The following APBB2 variants were observed in gnomAD, a reference collection of about 807,000 sequenced individuals.
APBB2 encodes Fe65-like 1.
In APBB2, 38 loss-of-function variants were observed where a neutral mutation model predicts 82.5. That is an observed-to-expected ratio of 0.46 (90% CI 0.36 to 0.60). The LOEUF (loss-of-function observed/expected upper bound fraction) is 0.60. Ranked by LOEUF, APBB2 falls within the 20% of genes least tolerant of loss-of-function variation. APBB2 has a pLI of 0.00. For missense variants in APBB2, 772 were observed against 972.3 expected, an observed-to-expected ratio of 0.79 and a Z score of 2.74; for synonymous variants, 341 against 368.2, an observed-to-expected ratio of 0.93 and a Z score of 0.85.
At chr4:41,034,556 C>G (rs187291151) in intron 4 of APBB2, among the ~76,000 whole-genome samples, 24 of 152,306 alleles carry the variant, frequency 1.6e-4, no homozygotes, top group Admixed American at 8.5e-4. Context: ...AACTCCTGAC[C>G]TCAAGTGATC....
chr4:41,192,812 A>T (rs1321440560), intron 1 of APBB2, among the ~76,000 whole-genome samples: 1 of 152,204 alleles, frequency 6.6e-6, no homozygotes, highest in African/African-American at 2.4e-5. Flanking sequence ...GAGATGATGG[A>T]TATGTTAATT....
At chr4:40,823,828 C>A in intron 15 of APBB2, 69 bp from the exon 16 acceptor site, 1 of 934,386 alleles carries the variant, frequency 1.1e-6, no homozygotes, top group South Asian at 1.3e-5. Context: ...GGGCCCAAAT[C>A]ACCAATAACA....
chr4:40,821,337 TCAC>T (rs1177503728), intron 17 of APBB2, among the ~76,000 whole-genome samples: 1 of 152,226 alleles, frequency 6.6e-6, no homozygotes. Flanking sequence ...CTCGGCTCTG[TCAC>T]TTACCGACAA....
intron 5 of APBB2, among the ~76,000 whole-genome samples, chr4:41,028,234 A>G (rs545123893): frequency 3.3e-5 from 5 of 152,358 alleles, no homozygotes; most frequent in Non-Finnish European, 7.3e-5. Context: ...AAAGATACCT[A>G]TGGAGCGCAG....
chr4:41,134,438 G>A (rs1178908064), intron 2 of APBB2, among the ~76,000 whole-genome samples: 2 of 152,236 alleles, frequency 1.3e-5, no homozygotes, highest in East Asian at 3.9e-4. Context: ...AAAACAATTA[G>A]CCAGGCATGG....
At chr4:40,892,435 A>G (rs532463687) in intron 11 of APBB2, 3 of 152,360 alleles carry the variant, frequency 2.0e-5, no homozygotes, top group East Asian at 3.9e-4. Context: ...AAACTCCACC[A>G]TGGAAAGGCT....
chr4:41,154,937 G>A (rs1157247172), intron 1 of APBB2, among the ~76,000 whole-genome samples: 1 of 152,122 alleles, frequency 6.6e-6, no homozygotes, highest in African/African-American at 2.4e-5. Context: ...GACAGACGGG[G>A]CACCCTAGGG....
chr4:41,011,060 T>C (rs1270137783), intron 6 of APBB2, among the ~76,000 whole-genome samples: 1 of 152,086 alleles, frequency 6.6e-6, no homozygotes, highest in Admixed American at 6.5e-5. Flanking sequence ...CATAGATTAG[T>C]ATTTTATATT....
At chr4:41,086,557 G>GA (rs907334563) in intron 3 of APBB2, among the ~76,000 whole-genome samples, 6 of 151,848 alleles carry the variant, frequency 4.0e-5, no homozygotes, top group Admixed American at 2.0e-4. Context: ...GAACAAAGAG[G>GA]AAAAAACACA....
intron 7 of APBB2, among the ~76,000 whole-genome samples, chr4:40,940,076 G>A (rs1209927211): frequency 6.6e-6 from 1 of 152,066 alleles, no homozygotes; most frequent in South Asian, 2.1e-4. Flanking sequence ...ATGTCGTCAT[G>A]TACTGGGCCC....
chr4:40,931,456 C>A (rs1427030283), intron 10 of APBB2, among the ~76,000 whole-genome samples: 1 of 152,018 alleles, frequency 6.6e-6, no homozygotes, highest in Non-Finnish European at 1.5e-5. Flanking sequence ...TTTTTTGTAG[C>A]GACAAGGTCT....
chr4:40,881,535 T>TTC (rs1553952994), intron 12 of APBB2: 1 of 133,022 alleles, frequency 7.5e-6, no homozygotes, highest in Non-Finnish European at 1.3e-5. Flanking sequence ...TTTCTTTTTC[T>TTC]TTTTTTTTTT....
At chr4:40,851,504 A>G (rs1380251976) in intron 12 of APBB2, among the ~76,000 whole-genome samples, 1 of 152,158 alleles carries the variant, frequency 6.6e-6, no homozygotes, top group Non-Finnish European at 1.5e-5. Flanking sequence ...ATGCTCTGAT[A>G]CGACAGAATC....
intron 12 of APBB2, among the ~76,000 whole-genome samples, chr4:40,863,749 C>T (rs1157583264): frequency 4.0e-5 from 6 of 151,740 alleles, no homozygotes; most frequent in African/African-American, 9.7e-5. Flanking sequence ...AAAAATTAGC[C>T]GGTTGTGATG....
intron 1 of APBB2, among the ~76,000 whole-genome samples, chr4:41,197,157 G>A: frequency 1.3e-5 from 2 of 152,064 alleles, no homozygotes; most frequent in African/African-American, 4.8e-5. Context: ...ACACAACTTT[G>A]TGCCAATGTC....
intron 17 of APBB2, among the ~76,000 whole-genome samples, chr4:40,819,342 C>G (rs1199530426): frequency 6.6e-6 from 1 of 151,882 alleles, no homozygotes; most frequent in Admixed American, 6.6e-5. Context: ...CATGCCACCA[C>G]GCTCGGCTAA....
At chr4:40,827,709 C>A (rs1023490774) in intron 13 of APBB2, among the ~76,000 whole-genome samples, 2 of 152,182 alleles carry the variant, frequency 1.3e-5, no homozygotes, top group African/African-American at 4.8e-5. Context: ...CCACTGCACA[C>A]GGAGGTGGTT....
At chr4:40,898,645 A>G (rs1578272431) in intron 10 of APBB2, among the ~76,000 whole-genome samples, 1 of 116,684 alleles carries the variant, frequency 8.6e-6, no homozygotes, top group African/African-American at 2.7e-5. Context: ...GATTTCAGCC[A>G]AAGCCAGCAC....
At chr4:40,919,682 G>T (rs1371300417) in intron 10 of APBB2, among the ~76,000 whole-genome samples, 1 of 152,174 alleles carries the variant, frequency 6.6e-6, no homozygotes, top group Non-Finnish European at 1.5e-5. Flanking sequence ...CGACTGGCAG[G>T]ACTGCTGGGA....
Sources: allele counts gnomAD v4.1 joint callset (sites outside exome capture counted in the v4.1 genomes callset), GRCh38; gene constraint gnomAD v4.1.1; transcripts MANE v1.5; gene names NCBI Gene and HGNC (gene_info 2026-07-23, HGNC 2026-07-21).